Variants in MAP2K4 observed in about 807,000 individuals in gnomAD.
The protein encoded by MAP2K4 is dual specificity mitogen-activated protein kinase kinase 4.
In MAP2K4, 4 loss-of-function variants were observed where a neutral mutation model predicts 48.5. The observed-to-expected ratio is 0.08, with a 90% confidence interval of 0.04 to 0.19. The LOEUF (loss-of-function observed/expected upper bound fraction) is 0.19. Among genes scored for constraint, MAP2K4 ranks in the 10% least tolerant of loss-of-function variants. MAP2K4 has a pLI of 1.00. For missense variants in MAP2K4, 258 were observed against 493.3 expected, an observed-to-expected ratio of 0.52 and a Z score of 4.52; for synonymous variants, 166 against 173.1, an observed-to-expected ratio of 0.96 and a Z score of 0.32.
At chr17:12,057,437 A>G (rs1353447157) in intron 2 of MAP2K4, among the ~76,000 whole-genome samples, 2 of 152,038 alleles carry the variant, frequency 1.3e-5, no homozygotes, top group Non-Finnish European at 2.9e-5. Flanking sequence ...TAGATTACCT[A>G]TTTCTCTCTC....
chr17:12,089,773 T>C (rs931577024), intron 3 of MAP2K4, among the ~76,000 whole-genome samples: 2 of 152,262 alleles, frequency 1.3e-5, no homozygotes, highest in East Asian at 1.9e-4. Flanking sequence ...CTGATGGTCA[T>C]GTCCTTCCAT....
intron 1 of MAP2K4, among the ~76,000 whole-genome samples, chr17:12,034,336 C>T (rs1164043911): frequency 6.6e-6 from 1 of 152,182 alleles, no homozygotes; most frequent in East Asian, 1.9e-4. Flanking sequence ...ACAATGGAGG[C>T]TGGGACAGCG....
chr17:12,051,639 A>G (rs982095892), intron 1 of MAP2K4, among the ~76,000 whole-genome samples: 2 of 152,216 alleles, frequency 1.3e-5, no homozygotes, highest in African/African-American at 4.8e-5. Context: ...AAATATTTCA[A>G]TCTTTGTTAG....
chr17:12,054,986 A>G lies in MAP2K4; in HGVS notation c.213A>G (p.Pro71=), dbSNP rs768160323. ...LNPNPTGVQN[P]HIERLRTHSI... ...CCAATCCTACAGGAGTTCAAAACCCACACATGTGAGTATTCTTGGTAATCA... is the reference window on the plus strand; with the variant it reads ...CCAATCCTACAGGAGTTCAAAACCCGCACATGTGAGTATTCTTGGTAATCA... Residue 71 remains proline (P), a synonymous_variant, in exon 2 of 11, where the codon CCA becomes CCG. Transcript: ENST00000353533. 34 of 1,598,418 alleles carry G rather than the reference A, an allele frequency of 2.1e-5. No homozygotes were observed. The highest frequency in any genetic ancestry group is 2.8e-5 in the Non-Finnish European group (33 of 1,166,906).
chr17:12,022,871 C>A (rs1373885919), intron 1 of MAP2K4, among the ~76,000 whole-genome samples: 1 of 152,148 alleles, frequency 6.6e-6, no homozygotes, highest in Non-Finnish European at 1.5e-5. Context: ...GAAAGCTAAC[C>A]CTCTTTTACC....
At chr17:12,033,426 T>C (rs550505903) in intron 1 of MAP2K4, among the ~76,000 whole-genome samples, 63 of 152,306 alleles carry the variant, frequency 4.1e-4, no homozygotes, top group African/African-American at 1.4e-3. Flanking sequence ...TTGATTGTTA[T>C]GACTACTTTG....
At chr17:12,116,389 A>G (rs1295223403) in intron 7 of MAP2K4, among the ~76,000 whole-genome samples, 1 of 152,156 alleles carries the variant, frequency 6.6e-6, no homozygotes, top group Non-Finnish European at 1.5e-5. Context: ...GACTTTATAA[A>G]CACTGTACAC....
At chr17:12,118,993 G>A (rs898282376) in intron 7 of MAP2K4, among the ~76,000 whole-genome samples, 1 of 152,108 alleles carries the variant, frequency 6.6e-6, no homozygotes, top group African/African-American at 2.4e-5. Flanking sequence ...GTCAGTAAAC[G>A]GAAAGAAGGG....
intron 8 of MAP2K4, among the ~76,000 whole-genome samples, chr17:12,126,993 G>T (rs1972875114): frequency 6.6e-6 from 1 of 152,166 alleles, no homozygotes; most frequent in Non-Finnish European, 1.5e-5. Flanking sequence ...CACAGGTTCA[G>T]AGCAATGGGC....
chr17:12,095,895 TTGTGTGTGTG>T (rs71947375), intron 4 of MAP2K4, among the ~76,000 whole-genome samples: 3,381 of 147,374 alleles, frequency 0.023, 140 homozygotes, highest in African/African-American at 0.078. Context: ...ACACGTGTGT[TTGTGTGTGTG>T]TGTGTGTGTG....
At chr17:12,032,559 A>G (rs1363500070) in intron 1 of MAP2K4, among the ~76,000 whole-genome samples, 1 of 152,216 alleles carries the variant, frequency 6.6e-6, no homozygotes, top group African/African-American at 2.4e-5. Flanking sequence ...TTAGGTATAG[A>G]AAAGTATATA....
chr17:12,079,884 C>T (rs1448537920), intron 2 of MAP2K4, among the ~76,000 whole-genome samples: 4 of 152,174 alleles, frequency 2.6e-5, no homozygotes, highest in Non-Finnish European at 4.4e-5. Context: ...TCATCTTCAC[C>T]TAAATGGTCA....
At chr17:12,056,197 G>A (rs1970277542) in intron 2 of MAP2K4, among the ~76,000 whole-genome samples, 1 of 152,066 alleles carries the variant, frequency 6.6e-6, no homozygotes, top group African/African-American at 2.4e-5. Context: ...TATGTTGGAA[G>A]TCTAAGAAGG....
intron 2 of MAP2K4, among the ~76,000 whole-genome samples, chr17:12,066,335 T>TA (rs140182236): frequency 9.8e-4 from 149 of 152,284 alleles, no homozygotes; most frequent in Non-Finnish European, 1.9e-3. Context: ...ATAACCCTGT[T>TA]AAATGTAAAA....
Position 12,117,597 on chromosome 17 carries a change from A to AT in MAP2K4, c.813+4246dup, listed in dbSNP as rs55920065. On this transcript the variant is annotated intron_variant, in intron 7 of 10. Coordinates refer to ENST00000353533, the MANE Select transcript of MAP2K4 (RefSeq NM_003010.4). Reference sequence around the variant, plus strand: ...AAGACCTACCTGCATTACTCACTGTATTTTTTTTTGTTTTTTTTGCTCATT... The same window carrying AT: ...AAGACCTACCTGCATTACTCACTGTATTTTTTTTTTGTTTTTTTTGCTCATT... Among the ~76,000 whole-genome samples, 107 of 151,494 alleles carry AT rather than the reference A, an allele frequency of 7.1e-4. No individual in the cohort carries two copies. The South Asian group carries it at 9.8e-3, about 14-fold the overall frequency.
At chr17:12,039,773 A>G (rs996791638) in intron 1 of MAP2K4, among the ~76,000 whole-genome samples, 1 of 152,174 alleles carries the variant, frequency 6.6e-6, no homozygotes, top group Non-Finnish European at 1.5e-5. Context: ...TTTGGTTGAT[A>G]TGTCTCTTAA....
intron 3 of MAP2K4, among the ~76,000 whole-genome samples, chr17:12,082,906 A>G (rs554783815): frequency 9.8e-5 from 15 of 152,294 alleles, no homozygotes; most frequent in African/African-American, 2.2e-4. Context: ...CTGTATTCCT[A>G]TTTTGTGCCA....
intron 2 of MAP2K4, among the ~76,000 whole-genome samples, chr17:12,077,246 C>G (rs2151545088): frequency 6.6e-6 from 1 of 152,308 alleles, no homozygotes; most frequent in South Asian, 2.1e-4. Flanking sequence ...CAGTTAGCAT[C>G]ATTGGCCCCC....
At chr17:12,037,842 C>T (rs1426285228) in intron 1 of MAP2K4, among the ~76,000 whole-genome samples, 3 of 152,044 alleles carry the variant, frequency 2.0e-5, no homozygotes, top group Non-Finnish European at 4.4e-5. Context: ...TTCACCTATT[C>T]CTCTCATACT....
Sources: gnomAD v4.1 joint callset for allele counts (sites outside exome capture counted in the v4.1 genomes callset) on GRCh38, gnomAD v4.1.1 for gene constraint, MANE v1.5 for transcripts, NCBI Gene and HGNC (gene_info 2026-07-23, HGNC 2026-07-21) for gene names.